Variants in STMND1 observed in about 807,000 individuals in gnomAD.
STMND1 encodes the protein stathmin domain-containing protein 1.
A neutral mutation model predicts 23.0 loss-of-function variants in STMND1; 17 were observed. The observed-to-expected ratio is 0.74, with a 90% confidence interval of 0.51 to 1.11. The LOEUF is 1.11. Ranked by LOEUF, STMND1 falls within the 50% of genes least tolerant of loss-of-function variation. STMND1 has a pLI of 0.00. For synonymous variants in STMND1, 114 were observed against 119.9 expected (o/e 0.95, Z 0.32); for missense variants, 305 against 329.1 (o/e 0.93, Z 0.57).
intron 2 of STMND1, among the ~76,000 whole-genome samples, chr6:17,118,085 CA>C (rs1224323082): frequency 1.3e-5 from 2 of 151,958 alleles, no homozygotes; most frequent in African/African-American, 4.8e-5. Context: ...TTTTGCTATG[CA>C]AAAGTTTATT....
intron 3 of STMND1, among the ~76,000 whole-genome samples, chr6:17,123,837 C>T (rs545790371): frequency 1.1e-4 from 16 of 152,110 alleles, no homozygotes; most frequent in Non-Finnish European, 1.8e-4. Context: ...TTCTGTGTCA[C>T]GGATAAAACT....
chr6:17,105,006 CTT>C (rs138533029), intron 1 of STMND1, among the ~76,000 whole-genome samples: 1 of 151,936 alleles, frequency 6.6e-6, no homozygotes, highest in Non-Finnish European at 1.5e-5. Context: ...CATGTATAGA[CTT>C]TTTTTTGTTA....
At chr6:17,108,696 C>CTTTTTTTT (rs10653504) in intron 1 of STMND1, among the ~76,000 whole-genome samples, 7 of 138,734 alleles carry the variant, frequency 5.0e-5, no homozygotes, top group Admixed American at 2.2e-4. Flanking sequence ...TTTTCTTTTT[C>CTTTTTTTT]TTTTTTTTTT....
At chr6:17,121,814 A>G (rs980601427) in intron 3 of STMND1, among the ~76,000 whole-genome samples, 4 of 151,902 alleles carry the variant, frequency 2.6e-5, no homozygotes, top group African/African-American at 9.7e-5. Context: ...AGCGTGAATA[A>G]TATTTTTACT....
chr6:17,129,119 C>T lies in STMND1; in HGVS notation c.419C>T (p.Thr140Met), dbSNP rs1318900623. Residue 140 changes from threonine to methionine, a missense_variant, in exon 4 of 5, where the codon ACG (threonine) becomes ATG (methionine). Coordinates refer to ENST00000536551, the MANE Select transcript of STMND1 (RefSeq NM_001190766.2). Reference sequence around the variant, plus strand: ...AAAGATGTTTTATTCCAGTTGACTACGACTGAGAAGCCATTGAGAAAGCCA... The same window carrying T: ...AAAGATGTTTTATTCCAGTTGACTATGACTGAGAAGCCATTGAGAAAGCCA... Reference protein sequence around the residue: ...NGESYDVTLTTTEKPLRKPPS... With the variant: ...NGESYDVTLTMTEKPLRKPPS... The T allele has an allele frequency of 5.2e-6, 8 of 1,535,404 alleles. No homozygotes were observed. The highest frequency in any genetic ancestry group is 1.7e-4 in the Middle Eastern group (1 of 5,990).
chr6:17,108,240 G>A (rs1004034844), intron 1 of STMND1, among the ~76,000 whole-genome samples: 15 of 152,202 alleles, frequency 9.9e-5, no homozygotes, highest in Non-Finnish European at 2.1e-4. Flanking sequence ...CAATTGTGAG[G>A]TCACTGAGGT....
intron 1 of STMND1, among the ~76,000 whole-genome samples, chr6:17,106,888 T>C (rs1429700980): frequency 6.6e-6 from 1 of 152,140 alleles, no homozygotes; most frequent in Non-Finnish European, 1.5e-5. Context: ...TGCATAATAA[T>C]AAGAAAAGCA....
chr6:17,121,752 T>C (rs1196223599), intron 3 of STMND1, among the ~76,000 whole-genome samples: 1 of 152,238 alleles, frequency 6.6e-6, no homozygotes, highest in African/African-American at 2.4e-5. Flanking sequence ...ATTGCTGTAC[T>C]ATTATTTTTC....
chr6:17,130,160 C>T (rs913658825), intron 4 of STMND1, among the ~76,000 whole-genome samples: 4 of 152,088 alleles, frequency 2.6e-5, no homozygotes, highest in South Asian at 2.1e-4. Context: ...AAATGAAGTA[C>T]GGAGTGTTCT....
chr6:17,130,941 T>C lies in STMND1; in HGVS notation c.*60T>C, dbSNP rs1381272744. ...TTCTCCCCATTTGTGACATTTGTAG[T>C]ATGTCTCATATTCTTTGACTGACTG... On this transcript the variant is annotated 3_prime_UTR_variant, in exon 5 of 5. Transcript: ENST00000536551. 7.1e-7 allele frequency: 1 copy of C among 1,405,328 alleles called. No individual in the cohort carries two copies. Among genetic ancestry groups the C allele is most frequent in the African/African-American group, 1.4e-5 (1 of 69,914 alleles). 87.1% of individuals were successfully genotyped at this position (1,405,328 alleles called of 1,614,324 possible). A position where few individuals can be genotyped will look rare whatever the true frequency, so the allele number is the denominator to read the frequency against.
chr6:17,118,197 G>A (rs945216921), intron 2 of STMND1, among the ~76,000 whole-genome samples: 6 of 152,028 alleles, frequency 3.9e-5, no homozygotes, highest in African/African-American at 7.2e-5. Flanking sequence ...AAATTCACCC[G>A]TGTTTTCTTG....
chr6:17,117,821 C>T (rs1216279216), intron 2 of STMND1, among the ~76,000 whole-genome samples: 1 of 151,124 alleles, frequency 6.6e-6, no homozygotes, highest in Non-Finnish European at 1.5e-5. Context: ...GCTGGGATTA[C>T]AGGTGCCTGC....
intron 1 of STMND1, among the ~76,000 whole-genome samples, chr6:17,113,621 T>G (rs1409114558): frequency 6.6e-6 from 1 of 151,010 alleles, no homozygotes; most frequent in Non-Finnish European, 1.5e-5. Flanking sequence ...TTTTTTACAA[T>G]AAGTCTGCAT....
At chr6:17,120,066 T>C (rs1419496388) in intron 2 of STMND1, among the ~76,000 whole-genome samples, 1 of 152,210 alleles carries the variant, frequency 6.6e-6, no homozygotes, top group Non-Finnish European at 1.5e-5. Context: ...TAACTGCAAT[T>C]CTGATTTGGT....
Position 17,129,108 on chromosome 6 carries a change from C to A in STMND1, c.412-4C>A. On this transcript the variant is annotated splice_region_variant and splice_polypyrimidine_tract_variant and intron_variant, in intron 3 of 4. Transcript: ENST00000536551. ...TCTTCATGTAAAAAGATGTTTTATT[C>A]CAGTTGACTACGACTGAGAAGCCAT... The A allele has an allele frequency of 6.5e-7, 1 of 1,534,882 alleles. No individual in the cohort carries two copies. The highest frequency in any genetic ancestry group is 8.7e-7 in the Non-Finnish European group (1 of 1,146,346).
At chr6:17,129,372 T>G (rs1468050994) in intron 4 of STMND1, 129 bp downstream of exon 4, 4 of 915,376 alleles carry the variant, frequency 4.4e-6, no homozygotes, top group Non-Finnish European at 6.0e-6. Context: ...TTTTTTATTA[T>G]TTTACTAATT....
intron 4 of STMND1, among the ~76,000 whole-genome samples, chr6:17,130,319 A>G (rs140563537): frequency 1.3e-5 from 2 of 152,248 alleles, no homozygotes; most frequent in African/African-American, 4.8e-5. Context: ...ACAGCCCTCC[A>G]CGCGCCCTTG....
chr6:17,104,325 AT>A (rs1315243691), intron 1 of STMND1, among the ~76,000 whole-genome samples: 1 of 151,960 alleles, frequency 6.6e-6, no homozygotes, highest in African/African-American at 2.4e-5. Flanking sequence ...TCTTTCTTTT[AT>A]TTTTTATTTA....
chr6:17,116,905 A>G (rs181841264), intron 2 of STMND1, among the ~76,000 whole-genome samples: 1 of 152,230 alleles, frequency 6.6e-6, no homozygotes, highest in African/African-American at 2.4e-5. Flanking sequence ...CTTCTGCCAC[A>G]TTGCATTATC....
Sources: allele counts gnomAD v4.1 joint callset (sites outside exome capture counted in the v4.1 genomes callset), GRCh38; gene constraint gnomAD v4.1.1; transcripts MANE v1.5; gene names NCBI Gene and HGNC (gene_info 2026-07-23, HGNC 2026-07-21).